CSMD1: variants seen among roughly 807,000 people sequenced by gnomAD.
CSMD1 encodes CUB and sushi domain-containing protein 1.
In CSMD1, 213 loss-of-function variants were observed where a neutral mutation model predicts 417.5. The ratio of observed to expected loss-of-function variants is 0.51; its 90% CI spans 0.46 to 0.57. The LOEUF (loss-of-function observed/expected upper bound fraction) is 0.57, where lower values mean the gene tolerates loss of function less well. CSMD1 is among the 20% of genes least tolerant of loss of function. The pLI is 0.00. For synonymous variants in CSMD1, 2,862 were observed against 1,736.8 expected (o/e 1.65, Z -16.11); for missense variants, 6,923 against 4,529.7 (o/e 1.53, Z -15.17).
chr8:3,140,090 G>T (rs1281203202), intron 41 of CSMD1, among the ~76,000 whole-genome samples: 4 of 151,906 alleles, frequency 2.6e-5, no homozygotes, highest in Non-Finnish European at 5.9e-5. Context: ...TTTTAGTAGA[G>T]ATGTGGTTTC....
At chr8:4,976,513 C>A (rs1336844324) in intron 1 of CSMD1, among the ~76,000 whole-genome samples, 3 of 152,156 alleles carry the variant, frequency 2.0e-5, no homozygotes, top group African/African-American at 7.2e-5. Flanking sequence ...ATCCTTACCT[C>A]TGTGGCATGC....
intron 51 of CSMD1, among the ~76,000 whole-genome samples, chr8:3,024,010 C>T (rs78085940): frequency 0.033 from 5,027 of 152,042 alleles, 100 homozygotes; most frequent in African/African-American, 0.063. Flanking sequence ...GGAAAATTGG[C>T]CTTACAAAAA....
chr8:4,693,538 A>T (rs534427578), intron 1 of CSMD1, among the ~76,000 whole-genome samples: 2 of 152,088 alleles, frequency 1.3e-5, no homozygotes, highest in African/African-American at 4.8e-5. Flanking sequence ...TTAATTTTAC[A>T]TTTTTTTATT....
At chr8:3,951,568 A>G (rs1285996040) in intron 5 of CSMD1, among the ~76,000 whole-genome samples, 2 of 152,184 alleles carry the variant, frequency 1.3e-5, no homozygotes, top group Non-Finnish European at 2.9e-5. Flanking sequence ...ATCGCCAAAG[A>G]TATGAATCAT....
Position 3,932,346 on chromosome 8 carries a change from C to T in CSMD1, c.818+65557G>A, listed in dbSNP as rs1002022668. 3.3e-5 allele frequency among the ~76,000 whole-genome samples: 5 copies of T among 150,566 alleles called. 1 individual carries two copies. Among genetic ancestry groups the T allele is most frequent in the African/African-American group, 4.9e-5 (2 of 40,896 alleles). On this transcript the variant is annotated intron_variant, in intron 5 of 69. Coordinates refer to ENST00000635120, the MANE Select transcript of CSMD1 (RefSeq NM_033225.6). The stretch of plus-strand genomic sequence containing the variant: ...CTTTAAACTTTCCCCATTTATTCTG[C>T]GACTAGAGGAATGAATATAGGCACT...
At chr8:4,104,438 G>A (rs552730902) in intron 3 of CSMD1, among the ~76,000 whole-genome samples, 4 of 151,346 alleles carry the variant, frequency 2.6e-5, no homozygotes, top group Non-Finnish European at 4.4e-5. Flanking sequence ...GCACACGCAT[G>A]CACACACACA....
At chr8:4,080,516 T>C (rs1158956633) in intron 3 of CSMD1, among the ~76,000 whole-genome samples, 1 of 152,236 alleles carries the variant, frequency 6.6e-6, no homozygotes, top group Non-Finnish European at 1.5e-5. Flanking sequence ...AAGAAGATAC[T>C]GATCAAGACT....
chr8:4,626,639 C>T (rs375388860), intron 2 of CSMD1, among the ~76,000 whole-genome samples: 54 of 152,022 alleles, frequency 3.6e-4, no homozygotes, highest in African/African-American at 1.2e-3. Flanking sequence ...GAGGGCAGGG[C>T]GCCAGCTTGA....
chr8:4,564,136 G>A (rs1798477404), intron 2 of CSMD1, among the ~76,000 whole-genome samples: 1 of 152,120 alleles, frequency 6.6e-6, no homozygotes, highest in East Asian at 1.9e-4. Context: ...TCTATAAAAT[G>A]AACACGTATA....
chr8:3,137,309 C>T (rs181801079), intron 41 of CSMD1, among the ~76,000 whole-genome samples: 2 of 152,342 alleles, frequency 1.3e-5, no homozygotes, highest in South Asian at 4.1e-4. Flanking sequence ...GGAGCACAGA[C>T]CTCAAACAAA....
intron 3 of CSMD1, among the ~76,000 whole-genome samples, chr8:4,365,531 T>A (rs1166909630): frequency 6.6e-6 from 1 of 152,230 alleles, no homozygotes; most frequent in African/African-American, 2.4e-5. Context: ...AAATTCCCTG[T>A]GATATCAGAG....
At chr8:4,405,137 A>C (rs1012425782) in intron 3 of CSMD1, among the ~76,000 whole-genome samples, 1 of 152,230 alleles carries the variant, frequency 6.6e-6, no homozygotes, top group African/African-American at 2.4e-5. Context: ...GTTATTTCAC[A>C]TAGGAGAAGT....
At position 3,763,505 on chromosome 8, in the gene CSMD1, A is replaced by G. The variant is rs543319254; in HGVS notation, c.819-9463T>C. Among the ~76,000 whole-genome samples, 7 of 151,788 alleles carry G rather than the reference A, an allele frequency of 4.6e-5. No homozygotes were observed. The South Asian group carries it at 1.5e-3, about 32-fold the overall frequency. On this transcript the variant is annotated intron_variant, in intron 5 of 69. Coordinates refer to ENST00000635120, the MANE Select transcript of CSMD1 (RefSeq NM_033225.6). ...CTCACCCTGTGATATACCTGTGCCCACTCTACCTTCTACTGTGAATAAAAA... is the reference window on the plus strand; with the variant it reads ...CTCACCCTGTGATATACCTGTGCCCGCTCTACCTTCTACTGTGAATAAAAA...
intron 4 of CSMD1, among the ~76,000 whole-genome samples, chr8:4,001,364 C>G (rs564142988): frequency 6.6e-6 from 1 of 152,242 alleles, no homozygotes; most frequent in African/African-American, 2.4e-5. Context: ...CCATTAGCCC[C>G]CTGGTTTCTC....
chr8:3,873,680 T>C (rs540592013), intron 5 of CSMD1, among the ~76,000 whole-genome samples: 1 of 152,076 alleles, frequency 6.6e-6, no homozygotes, highest in Non-Finnish European at 1.5e-5. Context: ...ATGACATGTA[T>C]CCCTGAACTT....
intron 2 of CSMD1, among the ~76,000 whole-genome samples, chr8:4,513,873 T>C (rs1802959794): frequency 6.6e-6 from 1 of 152,160 alleles, no homozygotes. Flanking sequence ...CTAGGTCTGA[T>C]TTTTGTGATC....
At chr8:3,624,475 G>C (rs113527609) in intron 7 of CSMD1, among the ~76,000 whole-genome samples, 1 of 152,178 alleles carries the variant, frequency 6.6e-6, no homozygotes, top group African/African-American at 2.4e-5. Context: ...AGGCACTTAC[G>C]ATTGATTATT....
intron 23 of CSMD1, among the ~76,000 whole-genome samples, chr8:3,329,972 G>A (rs150282242): frequency 1.7e-3 from 252 of 152,304 alleles, no homozygotes; most frequent in African/African-American, 5.9e-3. Flanking sequence ...TCTATTGATA[G>A]TTATAGGCAC....
At chr8:3,318,009 C>G (rs192238760) in intron 23 of CSMD1, among the ~76,000 whole-genome samples, 1 of 152,268 alleles carries the variant, frequency 6.6e-6, no homozygotes, top group African/African-American at 2.4e-5. Context: ...CAGGGTTTCC[C>G]CGGCTGGGCT....
Sources: gnomAD v4.1 joint callset for allele counts (sites outside exome capture counted in the v4.1 genomes callset) on GRCh38, gnomAD v4.1.1 for gene constraint, MANE v1.5 for transcripts, NCBI Gene and HGNC (gene_info 2026-07-23, HGNC 2026-07-21) for gene names.